Variants in SEMA6D observed in about 807,000 individuals in gnomAD.
SEMA6D encodes semaphorin 6D, also known as semaphorin-6D.
In SEMA6D, 35 loss-of-function variants were observed where a neutral mutation model predicts 106.6. That is an observed-to-expected ratio of 0.33 (90% confidence interval 0.25 to 0.44). The LOEUF is 0.44. SEMA6D is among the 20% of genes least tolerant of loss of function. The pLI is 1.00. For missense variants in SEMA6D, 1,185 were observed against 1,345.9 expected, an observed-to-expected ratio of 0.88 and a Z score of 1.87; for synonymous variants, 499 against 487.7, an observed-to-expected ratio of 1.02 and a Z score of -0.31.
rs199573242 is a variant in SEMA6D, at chr15:47,725,476, A to AC, written c.-55+7788dup. ...TTTAAGGTTCCCAGGGGGAATCAGC[A>AC]CCCCTTTCAGGGCCTGAGTCTTCCA... On this transcript the variant is annotated intron_variant, in intron 1 of 18. Transcript: ENST00000536845. 1.8e-3 allele frequency among the ~76,000 whole-genome samples: 268 copies of AC among 152,136 alleles called. 1 individual carries two copies. Among genetic ancestry groups the AC allele is most frequent in the African/African-American group, 6.1e-3 (252 of 41,508 alleles).
At position 47,764,971 on chromosome 15, in the gene SEMA6D, G is replaced by A; in HGVS notation, c.1342G>A (p.Val448Ile). 6.2e-7 allele frequency: 1 copy of A among 1,613,920 alleles called. No individual in the cohort carries two copies. Among genetic ancestry groups the A allele is most frequent in the Middle Eastern group, 1.7e-4 (1 of 6,058 alleles). Reference protein sequence around the residue: ...VIFVGSEAGMVLKVLAKTSPF... With the variant: ...VIFVGSEAGMILKVLAKTSPF... ...CTTTGTTGGCTCTGAAGCTGGCATG[G>A]TACTTAAAGTTCTGGCAAAGACCAG... is the stretch of plus-strand genomic sequence containing the variant. Residue 448 changes from valine (V) to isoleucine (I), a missense_variant, in exon 13 of 19, where the codon GTA becomes ATA. Coordinates refer to ENST00000536845, the MANE Select transcript of SEMA6D (RefSeq NM_001358351.3).
At chr15:47,187,090 G>T (rs1018663728) in intron 1 of SEMA6D, among the ~76,000 whole-genome samples, 12 of 152,126 alleles carry the variant, frequency 7.9e-5, no homozygotes, top group Non-Finnish European at 1.5e-4. Flanking sequence ...TCCACATGAA[G>T]AATGAACCAT....
intron 4 of SEMA6D, among the ~76,000 whole-genome samples, chr15:47,694,866 G>A (rs1284162602): frequency 6.6e-6 from 1 of 152,110 alleles, no homozygotes; most frequent in African/African-American, 2.4e-5. Flanking sequence ...AAATACATCT[G>A]TGTCCAATTA....
intron 1 of SEMA6D, among the ~76,000 whole-genome samples, chr15:47,207,535 G>A (rs77819625): frequency 0.021 from 3,218 of 152,278 alleles, 51 homozygotes; most frequent in Middle Eastern, 0.051. Flanking sequence ...TCAGGCACAA[G>A]TCTAGCCATC....
intron 2 of SEMA6D, among the ~76,000 whole-genome samples, chr15:47,451,120 C>G (rs1307673488): frequency 6.6e-6 from 1 of 152,048 alleles, no homozygotes; most frequent in African/African-American, 2.4e-5. Context: ...TTTCCTGATT[C>G]CTTTTGCAGG....
At chr15:47,415,284 C>A (rs1371403926) in intron 2 of SEMA6D, among the ~76,000 whole-genome samples, 1 of 152,166 alleles carries the variant, frequency 6.6e-6, no homozygotes, top group East Asian at 1.9e-4. Flanking sequence ...TCTTAATGCA[C>A]TGATCCAAAA....
intron 4 of SEMA6D, among the ~76,000 whole-genome samples, chr15:47,643,985 C>T (rs1405821104): frequency 2.0e-5 from 3 of 152,062 alleles, no homozygotes; most frequent in Non-Finnish European, 4.4e-5. Flanking sequence ...TTTTAGCTCC[C>T]ACATATGAGT....
At chr15:47,236,109 G>A (rs1595787140) in intron 1 of SEMA6D, among the ~76,000 whole-genome samples, 1 of 152,096 alleles carries the variant, frequency 6.6e-6, no homozygotes, top group African/African-American at 2.4e-5. Flanking sequence ...TATCTGGATT[G>A]CATCAATCTT....
chr15:47,364,218 A>G (rs936273194), intron 1 of SEMA6D, among the ~76,000 whole-genome samples: 2 of 152,200 alleles, frequency 1.3e-5, no homozygotes, highest in East Asian at 3.8e-4. Flanking sequence ...CTCCGAAACA[A>G]AACTTCTTTA....
In SEMA6D at chr15:47,304,540, GACCACAAGCACTTTAGTATTGGTAAA is replaced by G. The variant is rs567938288; in HGVS notation, c.-238-107850_-238-107825del. Among the ~76,000 whole-genome samples, 14 of 146,316 alleles carry G rather than the reference GACCACAAGCACTTTAGTATTGGTAAA, an allele frequency of 9.6e-5. No individual in the cohort carries two copies. In the East Asian group the frequency reaches 3.2e-3, roughly 33 times the overall value. The stretch of plus-strand genomic sequence containing the variant: ...AAAACAGACACAAAGAAATAAAAAT[GACCACAAGCACTTTAGTATTGGTAAA>G]ACTACTCCAGGTCTTGTCCGTATTA... On this transcript the variant is annotated intron_variant, in intron 1 of 19. Coordinates refer to the SEMA6D transcript ENST00000558014.
chr15:47,482,116 G>A (rs2043170010), intron 3 of SEMA6D, among the ~76,000 whole-genome samples: 1 of 152,106 alleles, frequency 6.6e-6, no homozygotes, highest in Non-Finnish European at 1.5e-5. Context: ...CTAAGGATGG[G>A]GAAGGAAGGT....
intron 4 of SEMA6D, among the ~76,000 whole-genome samples, chr15:47,619,992 G>C (rs1418512144): frequency 6.6e-6 from 1 of 151,958 alleles, no homozygotes; most frequent in African/African-American, 2.4e-5. Context: ...TTCAATACAG[G>C]ATGTGACTGA....
chr15:47,433,082 T>C (rs2041590197), intron 2 of SEMA6D, among the ~76,000 whole-genome samples: 3 of 152,056 alleles, frequency 2.0e-5, no homozygotes, highest in Admixed American at 2.0e-4. Context: ...TGCTGATAAA[T>C]AGTGGTATAT....
intron 1 of SEMA6D, among the ~76,000 whole-genome samples, chr15:47,242,707 G>A (rs1174171276): frequency 1.3e-5 from 2 of 152,116 alleles, no homozygotes; most frequent in Admixed American, 1.3e-4. Flanking sequence ...TGCAGGATTG[G>A]AAATATATTT....
At chr15:47,476,076 C>T (rs2042994010) in intron 3 of SEMA6D, among the ~76,000 whole-genome samples, 1 of 152,146 alleles carries the variant, frequency 6.6e-6, no homozygotes, top group Non-Finnish European at 1.5e-5. Context: ...GAGACAGGAA[C>T]ATATTCCAGG....
intron 1 of SEMA6D, among the ~76,000 whole-genome samples, chr15:47,399,048 C>T (rs938580491): frequency 6.6e-6 from 1 of 152,140 alleles, no homozygotes; most frequent in Admixed American, 6.5e-5. Flanking sequence ...AGCACTTTCA[C>T]GTAAATTCTT....
At position 47,420,784 on chromosome 15, in the gene SEMA6D, C is replaced by A. The variant is rs181979314; in HGVS notation, c.-159+8312C>A. ...CATTCTATGGGACTATAATAAAATG[C>A]AAGTTGTAATGAAATCTAAGGCCTC... On this transcript the variant is annotated intron_variant, in intron 2 of 19. Coordinates refer to the SEMA6D transcript ENST00000558014. Among the ~76,000 whole-genome samples, 44 of 152,174 alleles carry A rather than the reference C, an allele frequency of 2.9e-4. No homozygotes were observed. In the East Asian group the frequency reaches 5.4e-3, roughly 19 times the overall value.
chr15:47,710,870 G>T (rs940212323), intron 4 of SEMA6D, among the ~76,000 whole-genome samples: 10 of 152,104 alleles, frequency 6.6e-5, no homozygotes, highest in African/African-American at 2.2e-4. Context: ...AATTTGAAGT[G>T]ATTTTTTCAG....
intron 2 of SEMA6D, among the ~76,000 whole-genome samples, chr15:47,417,515 T>C (rs1337722475): frequency 6.6e-6 from 1 of 151,970 alleles, no homozygotes; most frequent in Non-Finnish European, 1.5e-5. Context: ...AGAGGTTGCC[T>C]GAAGGGGCAA....
Sources: allele counts gnomAD v4.1 joint callset (sites outside exome capture counted in the v4.1 genomes callset), GRCh38; gene constraint gnomAD v4.1.1; transcripts MANE v1.5; gene names NCBI Gene and HGNC (gene_info 2026-07-23, HGNC 2026-07-21).